LSP1: variants seen among roughly 807,000 people sequenced by gnomAD.
LSP1 encodes the protein lymphocyte-specific protein 1.
A neutral mutation model predicts 49.3 loss-of-function variants in LSP1; 32 were observed. The observed-to-expected ratio is 0.65, with a 90% CI of 0.49 to 0.87. The LOEUF is 0.87. Ranked by LOEUF, LSP1 falls within the 40% of genes least tolerant of loss-of-function variation. The probability of loss-of-function intolerance (pLI) is 0.00; values close to 1 mark genes in which losing one functional copy is unlikely to be tolerated. For synonymous variants in LSP1, 179 were observed against 178.8 expected (o/e 1.00, Z -0.01); for missense variants, 428 against 442.6 (o/e 0.97, Z 0.30).
At chr11:1,889,704 A>T (rs1222922487) in intron 10 of LSP1, 4 of 645,502 alleles carry the variant, frequency 6.2e-6, no homozygotes, top group African/African-American at 1.8e-5. Flanking sequence ...GGGCTCCTCC[A>T]GGTGCTCTCT....
At position 1,884,518 on chromosome 11, in the gene LSP1, C is replaced by A. The variant is rs183535747; in HGVS notation, c.654C>A (p.Ser218=). 32 of 1,613,806 alleles carry A rather than the reference C, an allele frequency of 2.0e-5. No homozygotes were observed. The Middle Eastern group carries it at 8.3e-4, about 42-fold the overall frequency. ...CCTCCAGTAACAGTGTGAAGAAATC[C>A]CAGCCAGACTTGCCCATCTCCAAGA... ...SIEKSNSVKK[S]QPDLPISKID... is the part of the protein sequence containing the mutation. Residue 218 remains serine, a synonymous_variant, in exon 7 of 11, where the codon TCC becomes TCA. Transcript: ENST00000311604. This position sits in a 1 kb window ranked among gnomAD's most constrained non-coding sequence, Gnocchi z 4.1.
intron 1 of LSP1, chr11:1,865,160 G>T: frequency 3.0e-6 from 3 of 985,290 alleles, no homozygotes; most frequent in South Asian, 4.6e-5. Context: ...TATCCCCGGG[G>T]CTGGGGTCAG....
chr11:1,889,282 AG>A (rs1428293774), intron 10 of LSP1: 1 of 697,430 alleles, frequency 1.4e-6, no homozygotes, highest in African/African-American at 1.8e-5. Context: ...CGGTACAGGA[AG>A]GGCAGGCGGG....
chr11:1,881,894 C>T (rs1053431445), intron 3 of LSP1, among the ~76,000 whole-genome samples: 3 of 152,140 alleles, frequency 2.0e-5, no homozygotes, highest in African/African-American at 4.8e-5. Flanking sequence ...AAACCTCATT[C>T]TGGGGCTCCC....
chr11:1,876,631 A>AG, intron 1 of LSP1: 1 of 985,420 alleles, frequency 1.0e-6, no homozygotes, highest in Non-Finnish European at 1.2e-6. Context: ...AAGTGTCTGC[A>AG]GGGGGAGGAC....
At chr11:1,853,337 G>A in intron 1 of LSP1, 140 bp downstream of exon 1, 3 of 841,214 alleles carry the variant, frequency 3.6e-6, no homozygotes, top group Non-Finnish European at 5.4e-6. Flanking sequence ...GTCCGATGGG[G>A]AAACTGGGGA....
chr11:1,870,496 C>T (rs969744632), intron 1 of LSP1: 21 of 1,193,998 alleles, frequency 1.8e-5, no homozygotes, highest in Non-Finnish European at 2.1e-5. Flanking sequence ...CCAGGCCGGG[C>T]ACCCCAGAGC....
At chr11:1,853,247 A>G in intron 1 of LSP1, 50 bp downstream of exon 1, 12 of 1,579,922 alleles carry the variant, frequency 7.6e-6, no homozygotes, top group Non-Finnish European at 1.0e-5. Context: ...CCACGGGTGC[A>G]TAGTCCTTGA....
At chr11:1,886,490 A>C (rs570355887) in intron 7 of LSP1, among the ~76,000 whole-genome samples, 1 of 152,358 alleles carries the variant, frequency 6.6e-6, no homozygotes, top group Non-Finnish European at 1.5e-5. Flanking sequence ...GCATGGAGGC[A>C]GACCCACATC....
intron 10 of LSP1, chr11:1,889,805 T>C (rs1472152275): frequency 3.1e-6 from 2 of 641,274 alleles, no homozygotes; most frequent in South Asian, 3.6e-5. Flanking sequence ...CACTAGCCTC[T>C]CTGGGCACTG....
At chr11:1,870,040 A>G (rs565021109) in intron 1 of LSP1, 1 of 411,518 alleles carries the variant, frequency 2.4e-6, no homozygotes, top group Non-Finnish European at 5.1e-6. Context: ...CCGTTTGTGC[A>G]TCTGTAATGG....
intron 1 of LSP1, chr11:1,864,244 G>T: frequency 1.0e-6 from 1 of 987,714 alleles, no homozygotes; most frequent in Non-Finnish European, 1.2e-6. Flanking sequence ...GGTGAGGGAG[G>T]TGGCAGGTTG....
chr11:1,868,146 C>T (rs1332429416), intron 1 of LSP1, among the ~76,000 whole-genome samples: 1 of 152,256 alleles, frequency 6.6e-6, no homozygotes, highest in African/African-American at 2.4e-5. Context: ...TCAGCCCACT[C>T]AACTCCAGAC....
In LSP1 at chr11:1,878,247, G is replaced by A. The variant is rs1464588152; in HGVS notation, c.54-1840G>A. ...TCTGCCCCAGCCTGCGCCGCCCTCT[G>A]TGTGGAGGGGCTGGGGCGTGAGTGA... On this transcript the variant is annotated intron_variant, in intron 1 of 10. Transcript: ENST00000311604. Among the ~76,000 whole-genome samples, 3 of 152,238 alleles carry A rather than the reference G, an allele frequency of 2.0e-5. No homozygotes were observed. In the South Asian group the frequency reaches 6.2e-4, roughly 32 times the overall value.
intron 1 of LSP1, among the ~76,000 whole-genome samples, chr11:1,862,784 ACC>A (rs1565072139): frequency 1.6e-4 from 3 of 19,062 alleles, no homozygotes; most frequent in African/African-American, 6.4e-4. Flanking sequence ...GGGTGATCTC[ACC>A]TCCCCTGGGT....
chr11:1,889,876 C>G (rs1192817266), intron 10 of LSP1: 2 of 630,400 alleles, frequency 3.2e-6, no homozygotes, highest in Non-Finnish European at 5.8e-6. Flanking sequence ...GGACTGGCAG[C>G]CTGGACTGTG....
intron 1 of LSP1, among the ~76,000 whole-genome samples, chr11:1,874,858 AG>A (rs1848241172): frequency 6.6e-6 from 1 of 152,052 alleles, no homozygotes; most frequent in Admixed American, 6.5e-5. Flanking sequence ...GAGGCCCGGC[AG>A]GGCCCCCCTT....
intron 1 of LSP1, among the ~76,000 whole-genome samples, chr11:1,877,050 C>T (rs973562748): frequency 4.0e-4 from 61 of 152,314 alleles, no homozygotes; most frequent in East Asian, 3.1e-3. Context: ...CCAAATCCCT[C>T]GCAGCTGCAC....
At chr11:1,886,580 A>G in intron 7 of LSP1, 152 bp from the exon 8 acceptor site, 2 of 858,122 alleles carry the variant, frequency 2.3e-6, no homozygotes, top group South Asian at 3.6e-5. Context: ...AGGAAGGCTC[A>G]TCTTTCCAGT....
Sources: allele counts gnomAD v4.1 joint callset (sites outside exome capture counted in the v4.1 genomes callset), GRCh38; gene constraint gnomAD v4.1.1; non-coding constraint Gnocchi (gnomAD v3.1); transcripts MANE v1.5; gene names NCBI Gene and HGNC (gene_info 2026-07-23, HGNC 2026-07-21).